The following FRMD4A variants were observed in gnomAD, a reference collection of about 807,000 sequenced individuals.
FRMD4A encodes FERM domain-containing protein 4A.
FRMD4A carries 29 observed loss-of-function variants against 129.1 expected under a neutral mutation model. That is an observed-to-expected ratio of 0.22 (90% CI 0.17 to 0.31). The LOEUF is 0.31. Ranked by LOEUF, FRMD4A falls within the 10% of genes least tolerant of loss-of-function variation. The pLI is 1.00. For synonymous variants in FRMD4A, 634 were observed against 571.6 expected (o/e 1.11, Z -1.56); for missense variants, 1,272 against 1,375.8 (o/e 0.92, Z 1.19).
rs2082538767 is a variant in FRMD4A, at chr10:13,660,322, T to A, written c.1892A>T (p.His631Leu). ...CATTCACGATGCAGCTCACCTGGAA[T>A]GGCTGTGAGAGGAGCGCTTCTTGAC... is the stretch of plus-strand genomic sequence containing the variant. ...EKVKKRSSHSHSSSHKRFPST... is the reference protein window; with the variant it reads ...EKVKKRSSHSLSSSHKRFPST... The change falls in exon 20 of 25, where the codon CAT becomes CTT. Residue 631 changes from histidine (H) to leucine (L), a missense_variant. His to Leu is a moderately conservative substitution (Grantham distance 99, BLOSUM62 -3). Coordinates refer to ENST00000357447, the MANE Select transcript of FRMD4A (RefSeq NM_018027.5). The A allele has an allele frequency of 6.2e-7, 1 of 1,605,964 alleles. No individual in the cohort carries two copies. Among genetic ancestry groups the A allele is most frequent in the East Asian group, 2.2e-5 (1 of 44,842 alleles).
At chr10:13,890,905 A>G in intron 2 of FRMD4A, 1 of 966,460 alleles carries the variant, frequency 1.0e-6, no homozygotes, top group African/African-American at 1.8e-5. Flanking sequence ...GCCTGAATGT[A>G]CGAACAGTTA....
intron 8 of FRMD4A, among the ~76,000 whole-genome samples, chr10:13,759,141 T>A (rs2091972125): frequency 6.6e-6 from 1 of 152,116 alleles, no homozygotes; most frequent in South Asian, 2.1e-4. Context: ...ATGGTGTAGG[T>A]TTTAGGCTGT....
At chr10:13,760,510 C>A (rs544272406) in intron 8 of FRMD4A, among the ~76,000 whole-genome samples, 2 of 151,960 alleles carry the variant, frequency 1.3e-5, no homozygotes, top group East Asian at 1.9e-4. Context: ...CAGAAGGAGA[C>A]CTTGTCTCTG....
intron 3 of FRMD4A, among the ~76,000 whole-genome samples, chr10:13,825,272 G>T (rs1192894137): frequency 2.0e-5 from 3 of 152,212 alleles, no homozygotes; most frequent in Non-Finnish European, 2.9e-5. Context: ...TCCTGAGACA[G>T]TTGATCAGAT....
At chr10:14,046,965 T>A (rs985473274) in intron 2 of FRMD4A, among the ~76,000 whole-genome samples, 3 of 152,162 alleles carry the variant, frequency 2.0e-5, no homozygotes, top group Admixed American at 6.5e-5. Context: ...GTCTTTATCA[T>A]GTGTGGAGTT....
rs1254415996 is a variant in FRMD4A, at chr10:13,707,082, T to C, written c.791A>G (p.Tyr264Cys). ...IFQWRQLENL[Y>C]FREKKFSVEV... ...CACGGAAAACTTCTTTTCTCTGAAG[T>C]ACAGGTTTTCCAACTGTCTCCATTG... Residue 264 changes from tyrosine (Y) to cysteine (C), a missense_variant, in exon 13 of 25, where the codon TAC (tyrosine) becomes TGC (cysteine). Tyr to Cys is a radical substitution (Grantham distance 194, BLOSUM62 -2). Around this residue, in one of 2 missense-constraint regions of FRMD4A, gnomAD observed 300 missense variants for 483.6 expected, o/e 0.62. Coordinates refer to ENST00000357447, the MANE Select transcript of FRMD4A (RefSeq NM_018027.5). 1 of 1,595,544 alleles carries C rather than the reference T, an allele frequency of 6.3e-7. No individual in the cohort carries two copies. The highest frequency in any genetic ancestry group is 8.6e-7 in the Non-Finnish European group (1 of 1,163,088).
chr10:14,251,777 C>G (rs963288624), intron 2 of FRMD4A, among the ~76,000 whole-genome samples: 1 of 152,116 alleles, frequency 6.6e-6, no homozygotes, highest in African/African-American at 2.4e-5. Flanking sequence ...AGGATGAACC[C>G]AGAGGCAAAT....
Position 13,644,382 on chromosome 10 carries a change from G to C in FRMD4A, c.*2656C>G, listed in dbSNP as rs1219422844. The C allele has an allele frequency of 1.3e-5, 2 of 152,182 alleles. No individual in the cohort carries two copies. The highest frequency in any genetic ancestry group is 2.1e-4 in the South Asian group (1 of 4,818). 9.4% of individuals were successfully genotyped at this position (152,182 alleles called of 1,614,324 possible). ...ACCACACTGATCATTAATCATGTCA[G>C]TCTCAAAGGACTAACGTTTTATGTA... is the stretch of plus-strand genomic sequence containing the variant. On this transcript the variant is annotated 3_prime_UTR_variant, in exon 25 of 25. Coordinates refer to ENST00000357447, the MANE Select transcript of FRMD4A (RefSeq NM_018027.5).
intron 23 of FRMD4A, chr10:13,654,207 C>T: frequency 1.7e-6 from 1 of 597,272 alleles, no homozygotes; most frequent in South Asian, 2.0e-5. Context: ...TTTAAGAGAA[C>T]ACAGACAATT....
intron 2 of FRMD4A, among the ~76,000 whole-genome samples, chr10:13,902,364 A>G (rs10906536): frequency 0.99 from 150,224 of 152,092 alleles, 74,214 homozygotes; most frequent in East Asian, 1. Context: ...AACATTTAGA[A>G]AGATCTCTCT....
intron 2 of FRMD4A, among the ~76,000 whole-genome samples, chr10:14,057,399 T>C (rs1306543179): frequency 6.6e-6 from 1 of 152,204 alleles, no homozygotes; most frequent in Non-Finnish European, 1.5e-5. Flanking sequence ...GATTAGGTCA[T>C]GTTGACAAAC....
At position 14,193,694 on chromosome 10, in the gene FRMD4A, A is replaced by AC. The variant is rs200698226; in HGVS notation, c.45+136363_45+136364insG. Among the ~76,000 whole-genome samples, 1,511 of 151,518 alleles carry AC rather than the reference A, an allele frequency of 1.0e-2. 26 individuals are homozygous for AC. Among genetic ancestry groups the AC allele is most frequent in the African/African-American group, 0.035 (1,459 of 41,392 alleles). ...CAGTGCTGGTCTACAAATTAAAAAA[A>AC]AAAAAACTACAAATAATATATAATA... On this transcript the variant is annotated intron_variant, in intron 2 of 24. Coordinates refer to ENST00000357447, the MANE Select transcript of FRMD4A (RefSeq NM_018027.5).
At position 14,330,167 on chromosome 10, in the gene FRMD4A, A is replaced by G. The variant is rs1011015374; in HGVS notation, c.-65T>C. On this transcript the variant is annotated 5_prime_UTR_variant, in exon 2 of 25. Transcript: ENST00000357447. ...GTCCTCCTGGGCCCCGGGTGGCTAC[A>G]GAGCATCCAAAAGCACCTGCAGAAA... 7.0e-5 allele frequency: 106 copies of G among 1,512,490 alleles called. No homozygotes were observed. The Middle Eastern group carries it at 1.0e-3, about 14-fold the overall frequency. 93.7% of individuals were successfully genotyped at this position (1,512,490 alleles called of 1,614,324 possible). A position where few individuals can be genotyped will look rare whatever the true frequency, so the allele number is the denominator to read the frequency against.
chr10:13,696,573 G>A (rs993494574), intron 14 of FRMD4A, among the ~76,000 whole-genome samples: 3 of 152,292 alleles, frequency 2.0e-5, no homozygotes, highest in African/African-American at 7.2e-5. Flanking sequence ...GCAAAACCCT[G>A]TCTCTACTAA....
intron 2 of FRMD4A, among the ~76,000 whole-genome samples, chr10:14,142,952 A>G (rs886540631): frequency 1.3e-5 from 2 of 151,556 alleles, no homozygotes; most frequent in Non-Finnish European, 2.9e-5. Context: ...GTGAGATGCC[A>G]CCTCACCTCA....
intron 2 of FRMD4A, among the ~76,000 whole-genome samples, chr10:14,148,033 G>T (rs573187140): frequency 6.6e-6 from 1 of 152,252 alleles, no homozygotes; most frequent in South Asian, 2.1e-4. Context: ...ATCTCTGTCT[G>T]GGACGATAAA....
intron 6 of FRMD4A, among the ~76,000 whole-genome samples, chr10:13,779,057 G>A (rs972267210): frequency 5.9e-5 from 9 of 152,274 alleles, no homozygotes; most frequent in Admixed American, 4.6e-4. Flanking sequence ...GGTGGCTCAT[G>A]CCTGTAATCT....
At chr10:14,063,898 C>T (rs762592060) in intron 2 of FRMD4A, among the ~76,000 whole-genome samples, 4 of 152,132 alleles carry the variant, frequency 2.6e-5, no homozygotes, top group Non-Finnish European at 5.9e-5. Flanking sequence ...TTTCAGCTCA[C>T]TAAAAATTAA....
rs571112005 is a variant in FRMD4A, at chr10:13,838,248, G to T, written c.111+20599C>A. Among the ~76,000 whole-genome samples the T allele has an allele frequency of 2.4e-3, 342 of 145,006 alleles. 1 individual carries two copies. Among genetic ancestry groups the T allele is most frequent in the African/African-American group, 8.5e-3 (326 of 38,262 alleles). ...CTACAGACGTGCACCACCATGCAGAGCTAATTTTTTTTTTTTTTTTTTTTT... is the reference window on the plus strand; with the variant it reads ...CTACAGACGTGCACCACCATGCAGATCTAATTTTTTTTTTTTTTTTTTTTT... On this transcript the variant is annotated intron_variant, in intron 3 of 24. Coordinates refer to ENST00000357447, the MANE Select transcript of FRMD4A (RefSeq NM_018027.5).
Sources: gnomAD v4.1 joint callset for allele counts (sites outside exome capture counted in the v4.1 genomes callset) on GRCh38, gnomAD v4.1.1 for gene constraint, gnomAD v4.1.1 regional missense constraint, MANE v1.5 for transcripts, NCBI Gene and HGNC (gene_info 2026-07-23, HGNC 2026-07-21) for gene names.